Variants in NEK10 observed in about 807,000 individuals in gnomAD.
NEK10 encodes NIMA related kinase 10, also known as serine/threonine-protein kinase Nek10.
A neutral mutation model predicts 159.8 loss-of-function variants in NEK10; 122 were observed. The observed-to-expected ratio is 0.76, with a 90% CI of 0.66 to 0.89. The LOEUF (loss-of-function observed/expected upper bound fraction) is 0.89. NEK10 is among the 40% of genes least tolerant of loss of function. The probability of loss-of-function intolerance (pLI) is 0.00; values close to 1 mark genes in which losing one functional copy is unlikely to be tolerated. For missense variants in NEK10, 1,342 were observed against 1,323.1 expected (o/e 1.01, Z -0.22); for synonymous variants, 466 against 457.1 (o/e 1.02, Z -0.25).
chr3:27,192,368 T>C, intron 25 of NEK10, 126 bp from the exon 26 acceptor site: 1 of 677,786 alleles, frequency 1.5e-6, no homozygotes, highest in Non-Finnish European at 2.5e-6. Context: ...TAACCTGGGA[T>C]AAGATGGATA....
intron 1 of NEK10, among the ~76,000 whole-genome samples, chr3:27,366,840 T>A (rs1265181179): frequency 1.4e-5 from 2 of 146,236 alleles, no homozygotes; most frequent in Non-Finnish European, 3.0e-5. Context: ...AGACGGAGTT[T>A]CACTCTTGTT....
chr3:27,227,519 T>C (rs761765049), intron 23 of NEK10, among the ~76,000 whole-genome samples: 2 of 152,122 alleles, frequency 1.3e-5, no homozygotes, highest in Non-Finnish European at 2.9e-5. Flanking sequence ...CGGGCACATA[T>C]TGACTTCCCA....
At chr3:27,304,474 T>C (rs576918720) in intron 12 of NEK10, among the ~76,000 whole-genome samples, 50 of 152,300 alleles carry the variant, frequency 3.3e-4, no homozygotes, top group African/African-American at 9.1e-4. Context: ...TATTTGCAGA[T>C]TGATGGCCTT....
At chr3:27,206,488 T>C in intron 23 of NEK10, 1 of 646,262 alleles carries the variant, frequency 1.5e-6, no homozygotes, top group Non-Finnish European at 1.9e-6. Context: ...AAAAAATGGT[T>C]CCTTCCTCCC....
intron 30 of NEK10, among the ~76,000 whole-genome samples, chr3:27,146,522 T>C (rs544030669): frequency 2.4e-4 from 36 of 152,354 alleles, no homozygotes; most frequent in Admixed American, 2.0e-3. Context: ...CTTCTCTATA[T>C]TGGACCAACA....
At chr3:27,116,019 G>A (rs1363500570) in intron 34 of NEK10, 24 bp from the exon 35 acceptor site, 1 of 1,612,010 alleles carries the variant, frequency 6.2e-7, no homozygotes. Flanking sequence ...AATCAGGTTA[G>A]TATTGAATTA....
chr3:27,181,138 T>C (rs955220402), intron 26 of NEK10, among the ~76,000 whole-genome samples: 1 of 152,132 alleles, frequency 6.6e-6, no homozygotes, highest in African/African-American at 2.4e-5. Context: ...TTGAACAACA[T>C]GGGAGTGAGG....
intron 22 of NEK10, among the ~76,000 whole-genome samples, chr3:27,269,105 G>A (rs961976815): frequency 6.6e-6 from 1 of 152,160 alleles, no homozygotes. Flanking sequence ...AAACTTGAAC[G>A]GATGAAGAGT....
intron 8 of NEK10, 111 bp downstream of exon 8, chr3:27,311,988 G>C: frequency 1.4e-6 from 1 of 734,060 alleles, no homozygotes; most frequent in East Asian, 2.7e-5. Context: ...CCTGAGCTGT[G>C]TGTGCGAACA....
At chr3:27,250,669 G>T (rs1472274583) in intron 23 of NEK10, among the ~76,000 whole-genome samples, 3 of 151,992 alleles carry the variant, frequency 2.0e-5, no homozygotes, top group Non-Finnish European at 4.4e-5. Context: ...ATGTTTGAAG[G>T]ATATTTTCAC....
At chr3:27,166,206 G>C (rs1221589793) in intron 29 of NEK10, among the ~76,000 whole-genome samples, 1 of 152,076 alleles carries the variant, frequency 6.6e-6, no homozygotes, top group Admixed American at 6.6e-5. Context: ...ATGTAGCTTT[G>C]AGCTCTCCTA....
intron 23 of NEK10, among the ~76,000 whole-genome samples, chr3:27,240,926 T>C (rs1223514483): frequency 6.6e-6 from 1 of 152,172 alleles, no homozygotes; most frequent in African/African-American, 2.4e-5. Flanking sequence ...AGTGCTGGAA[T>C]TACAGGCATG....
At chr3:27,170,500 G>A (rs1181488959) in intron 29 of NEK10, among the ~76,000 whole-genome samples, 1 of 152,206 alleles carries the variant, frequency 6.6e-6, no homozygotes, top group East Asian at 1.9e-4. Context: ...GGGAGGCTAA[G>A]GTGGGTGGAT....
At position 27,136,226 on chromosome 3, in the gene NEK10, C is replaced by T. The variant is rs1477816630; in HGVS notation, c.2971-4236G>A. Among the ~76,000 whole-genome samples, 3 of 151,198 alleles carry T rather than the reference C, an allele frequency of 2.0e-5. No homozygotes were observed. In the East Asian group the frequency reaches 5.9e-4, roughly 30 times the overall value. ...CTCCCAGGTTCACGCCACTATCCTGCCTCAGCCTCCCGAGTAGCTGGGACT... is the reference window on the plus strand; with the variant it reads ...CTCCCAGGTTCACGCCACTATCCTGTCTCAGCCTCCCGAGTAGCTGGGACT... On this transcript the variant is annotated intron_variant, in intron 31 of 35. Transcript: ENST00000691995.
At chr3:27,133,196 T>A (rs914193391) in intron 31 of NEK10, among the ~76,000 whole-genome samples, 56 of 152,126 alleles carry the variant, frequency 3.7e-4, no homozygotes, top group Admixed American at 2.0e-4. Flanking sequence ...TGGAACTGAG[T>A]AAGAAATAAA....
At chr3:27,193,636 ATCT>A (rs1949315299) in intron 25 of NEK10, among the ~76,000 whole-genome samples, 1 of 57,446 alleles carries the variant, frequency 1.7e-5, no homozygotes, top group Non-Finnish European at 3.4e-5. Flanking sequence ...TGCCCATGGT[ATCT>A]TATCTTTCCC....
At chr3:27,124,266 A>G (rs992981566) in intron 32 of NEK10, among the ~76,000 whole-genome samples, 1 of 152,180 alleles carries the variant, frequency 6.6e-6, no homozygotes, top group African/African-American at 2.4e-5. Flanking sequence ...GTCTGACAAG[A>G]TAGATTGGAG....
At chr3:27,204,983 C>A (rs1335286609) in intron 23 of NEK10, among the ~76,000 whole-genome samples, 1 of 148,220 alleles carries the variant, frequency 6.7e-6, no homozygotes, top group Admixed American at 6.8e-5. Flanking sequence ...TGTTTCCTGA[C>A]TTTTTAATGA....
At chr3:27,219,240 T>G (rs1327425801) in intron 23 of NEK10, among the ~76,000 whole-genome samples, 1 of 152,116 alleles carries the variant, frequency 6.6e-6, no homozygotes, top group East Asian at 1.9e-4. Context: ...CATGGGAGGG[T>G]GCAGCCTAAC....
Sources: allele counts gnomAD v4.1 joint callset (sites outside exome capture counted in the v4.1 genomes callset), GRCh38; gene constraint gnomAD v4.1.1; transcripts MANE v1.5; gene names NCBI Gene and HGNC (gene_info 2026-07-23, HGNC 2026-07-21).